The following IL12RB2 variants were observed in gnomAD, a reference collection of about 807,000 sequenced individuals.
IL12RB2 encodes interleukin 12 receptor subunit beta 2.
In IL12RB2, 82 loss-of-function variants were observed where a neutral mutation model predicts 89.4. That is an observed-to-expected ratio of 0.92 (90% confidence interval 0.77 to 1.10). The LOEUF is 1.10. Among genes scored for constraint, IL12RB2 ranks in the 50% least tolerant of loss-of-function variants. IL12RB2 has a pLI of 0.00. For synonymous variants in IL12RB2, 368 were observed against 370.1 expected (o/e 0.99, Z 0.07); for missense variants, 963 against 1,031.9 (o/e 0.93, Z 0.92).
At chr1:67,394,614 G>A (rs17129983) in intron 16 of IL12RB2, among the ~76,000 whole-genome samples, 8,796 of 152,240 alleles carry the variant, frequency 0.058, 317 homozygotes, top group African/African-American at 0.094. Context: ...GATCTGACAA[G>A]GAATATTACC....
At chr1:67,369,216 T>A (rs76838771) in intron 11 of IL12RB2, among the ~76,000 whole-genome samples, 164 of 152,290 alleles carry the variant, frequency 1.1e-3, no homozygotes, top group African/African-American at 3.8e-3. Context: ...CAGAGGAAGA[T>A]GACCAAGTTA....
chr1:67,388,494 C>T (rs1043599908), intron 15 of IL12RB2, among the ~76,000 whole-genome samples: 9 of 152,056 alleles, frequency 5.9e-5, no homozygotes, highest in Non-Finnish European at 1.2e-4. Flanking sequence ...TACAGGTGCC[C>T]GCCACCACGC....
chr1:67,346,614 G>A (rs1557429927), intron 9 of IL12RB2, among the ~76,000 whole-genome samples: 2 of 152,040 alleles, frequency 1.3e-5, no homozygotes, highest in Admixed American at 1.3e-4. Flanking sequence ...TCAAACTCTT[G>A]ACTTCAAGTG....
chr1:67,387,218 C>T (rs548046112), intron 15 of IL12RB2, among the ~76,000 whole-genome samples: 4 of 151,810 alleles, frequency 2.6e-5, no homozygotes, highest in African/African-American at 9.7e-5. Context: ...GTATGAGCCA[C>T]TGCACCAAGC....
intron 14 of IL12RB2, among the ~76,000 whole-genome samples, chr1:67,381,818 T>C (rs1436959236): frequency 6.8e-6 from 1 of 146,268 alleles, no homozygotes; most frequent in Non-Finnish European, 1.5e-5. Flanking sequence ...TTAATGTGGA[T>C]TAAGGACTCA....
intron 9 of IL12RB2, among the ~76,000 whole-genome samples, chr1:67,348,022 A>G (rs1044355822): frequency 6.6e-6 from 1 of 152,212 alleles, no homozygotes; most frequent in Non-Finnish European, 1.5e-5. Context: ...GGCTCATGGT[A>G]TAGCCCAATA....
At chr1:67,387,150 G>A (rs952439410) in intron 15 of IL12RB2, among the ~76,000 whole-genome samples, 17 of 150,602 alleles carry the variant, frequency 1.1e-4, no homozygotes, top group African/African-American at 3.9e-4. Flanking sequence ...GACTGGTCCC[G>A]AACTCCTGAC....
At position 67,395,293 on chromosome 1, in the gene IL12RB2, G is replaced by C. The variant is rs1043183099; in HGVS notation, c.2047-254G>C. Among the ~76,000 whole-genome samples, 8 of 151,316 alleles carry C rather than the reference G, an allele frequency of 5.3e-5. No individual in the cohort carries two copies. In the East Asian group the frequency reaches 1.6e-3, roughly 29 times the overall value. On this transcript the variant is annotated intron_variant, in intron 16 of 16. Coordinates refer to ENST00000674203, the MANE Select transcript of IL12RB2 (RefSeq NM_001374259.2). ...AAGAAAAAAAAAAAAAAGAAAGAAA[G>C]AAACAGGTTGAAGGTTGAGCAGGGC...
chr1:67,375,995 C>T (rs1046713328), intron 13 of IL12RB2, among the ~76,000 whole-genome samples: 11 of 151,930 alleles, frequency 7.2e-5, no homozygotes, highest in African/African-American at 1.9e-4. Context: ...TACAAGCACC[C>T]GCCACCAAGC....
chr1:67,378,223 T>C (rs558099493), intron 13 of IL12RB2, among the ~76,000 whole-genome samples: 78 of 152,334 alleles, frequency 5.1e-4, no homozygotes, highest in Middle Eastern at 6.8e-3. Flanking sequence ...GCCTTGACTC[T>C]GCCATCCTCC....
At chr1:67,350,485 A>G (rs758476430) in intron 9 of IL12RB2, among the ~76,000 whole-genome samples, 2 of 152,232 alleles carry the variant, frequency 1.3e-5, no homozygotes, top group Non-Finnish European at 2.9e-5. Flanking sequence ...GGAGACTCAG[A>G]GGGGCTGAGT....
At chr1:67,337,053 G>C (rs892168137) in intron 8 of IL12RB2, among the ~76,000 whole-genome samples, 1 of 152,164 alleles carries the variant, frequency 6.6e-6, no homozygotes, top group East Asian at 1.9e-4. Flanking sequence ...GGCTTACCCC[G>C]CAGACCTGGC....
At chr1:67,381,780 A>AG (rs1664611779) in intron 14 of IL12RB2, among the ~76,000 whole-genome samples, 1 of 132,390 alleles carries the variant, frequency 7.6e-6, no homozygotes, top group African/African-American at 2.5e-5. Context: ...AAAAAAAAAA[A>AG]AAAAAGAAAG....
At chr1:67,364,381 A>T (rs971565437) in intron 10 of IL12RB2, among the ~76,000 whole-genome samples, 1 of 152,216 alleles carries the variant, frequency 6.6e-6, no homozygotes, top group African/African-American at 2.4e-5. Context: ...ACAGAGGGAG[A>T]CTCTATCTCA....
chr1:67,324,942 C>A (rs897157557), intron 4 of IL12RB2, among the ~76,000 whole-genome samples: 30 of 152,340 alleles, frequency 2.0e-4, no homozygotes, highest in Non-Finnish European at 1.5e-5. Context: ...ATGCCCCAGG[C>A]AGCTTCATAA....
At chr1:67,360,750 C>T (rs1001152497) in intron 10 of IL12RB2, among the ~76,000 whole-genome samples, 2 of 151,078 alleles carry the variant, frequency 1.3e-5, no homozygotes, top group Non-Finnish European at 3.0e-5. Context: ...GAACCAAGAT[C>T]ACTCTACTGC....
chr1:67,328,258 T>A lies in IL12RB2; in HGVS notation c.538T>A (p.Tyr180Asn). 6.2e-7 allele frequency: 1 copy of A among 1,614,196 alleles called. No individual in the cohort carries two copies. The highest frequency in any genetic ancestry group is 8.5e-7 in the Non-Finnish European group (1 of 1,180,020). ...GCAATGTAAAGACATTTATTGTGACTATTTGGACTTTGGAATCAACCTCAC... is the reference window on the plus strand; with the variant it reads ...GCAATGTAAAGACATTTATTGTGACAATTTGGACTTTGGAATCAACCTCAC... The part of the protein sequence containing the change: ...QKQCKDIYCD[Y>N]LDFGINLTPE... Residue 180 changes from tyrosine to asparagine, a missense_variant, in exon 6 of 17, where the codon TAT (tyrosine) becomes AAT (asparagine). Transcript: ENST00000674203.
chr1:67,318,046 A>G (rs1439582376), intron 2 of IL12RB2, among the ~76,000 whole-genome samples: 1 of 152,206 alleles, frequency 6.6e-6, no homozygotes, highest in Non-Finnish European at 1.5e-5. Context: ...GAAGTAACAC[A>G]TGAACTGAAA....
rs143899990 is a variant in IL12RB2 at position 67,395,946 on chromosome 1, G to A, written c.2446G>A (p.Ala816Thr). 139 of 1,611,926 alleles carry A rather than the reference G, an allele frequency of 8.6e-5. No homozygotes were observed. The highest frequency in any genetic ancestry group is 1.1e-4 in the Non-Finnish European group (126 of 1,177,946). The stretch of plus-strand genomic sequence containing the variant: ...CCTCCCCTCACATGAGGCACCTCTC[G>A]CTGACTCTCTGGAAGAACTGGAGCC... Reference protein sequence around the residue: ...DDLPSHEAPLADSLEELEPQH... With the variant: ...DDLPSHEAPLTDSLEELEPQH... The change falls in exon 17 of 17, where the codon GCT becomes ACT. Residue 816 changes from alanine (A) to threonine (T), a missense_variant. By Grantham distance (58) the Ala-to-Thr change is moderately conservative (BLOSUM62 0). Transcript: ENST00000674203.
Sources: allele counts gnomAD v4.1 joint callset (sites outside exome capture counted in the v4.1 genomes callset), GRCh38; gene constraint gnomAD v4.1.1; transcripts MANE v1.5; gene names NCBI Gene and HGNC (gene_info 2026-07-23, HGNC 2026-07-21).